Variants in PRDM2 observed in about 807,000 individuals in gnomAD.
PRDM2 encodes PR domain zinc finger protein 2.
A neutral mutation model predicts 130.0 loss-of-function variants in PRDM2; 30 were observed. That is an observed-to-expected ratio of 0.23 (90% CI 0.17 to 0.31). The LOEUF is 0.31. Ranked by LOEUF, PRDM2 falls within the 10% of genes least tolerant of loss-of-function variation. The pLI, the probability that PRDM2 is intolerant of heterozygous loss-of-function variation, is 1.00. For synonymous variants in PRDM2, 871 were observed against 782.4 expected (o/e 1.11, Z -1.89); for missense variants, 2,011 against 2,108.4 (o/e 0.95, Z 0.90).
intron 8 of PRDM2, among the ~76,000 whole-genome samples, chr1:13,799,107 T>C (rs1644967407): frequency 6.6e-6 from 1 of 152,170 alleles, no homozygotes; most frequent in Non-Finnish European, 1.5e-5. Flanking sequence ...ACTTCGTCAC[T>C]AAGTCCGGCA....
intron 6 of PRDM2, among the ~76,000 whole-genome samples, chr1:13,769,640 A>G (rs548552411): frequency 3.1e-4 from 47 of 152,318 alleles, no homozygotes; most frequent in African/African-American, 8.9e-4. Context: ...GATAATCTCA[A>G]TTCCATGGAT....
chr1:13,805,309 G>A (rs1453589598), intron 8 of PRDM2, among the ~76,000 whole-genome samples: 1 of 152,202 alleles, frequency 6.6e-6, no homozygotes, highest in Non-Finnish European at 1.5e-5. Context: ...CCGTAATGGA[G>A]CTAGGATTCC....
chr1:13,707,256 C>G (rs776714159), intron 1 of PRDM2, among the ~76,000 whole-genome samples: 7 of 152,184 alleles, frequency 4.6e-5, no homozygotes, highest in Non-Finnish European at 7.4e-5. Context: ...AGGACCACTA[C>G]CCTGCCCGTG....
chr1:13,772,315 TTCTTA>T (rs1644377631), intron 6 of PRDM2: 1 of 152,256 alleles, frequency 6.6e-6, no homozygotes, highest in African/African-American at 2.4e-5. Context: ...AGATAATTGT[TTCTTA>T]TCTTCATGAC....
At chr1:13,762,996 G>A (rs565568541) in intron 6 of PRDM2, among the ~76,000 whole-genome samples, 16 of 152,322 alleles carry the variant, frequency 1.1e-4, no homozygotes, top group Non-Finnish European at 1.8e-4. Flanking sequence ...TCATTTCATG[G>A]TGGGCCGAGT....
chr1:13,715,550 A>ACC lies in PRDM2; in HGVS notation c.-56_-55insCC, dbSNP rs1330398626. 6.8e-7 allele frequency: 1 copy of ACC among 1,480,072 alleles called. No individual in the cohort carries two copies. The highest frequency in any genetic ancestry group is 9.1e-7 in the Non-Finnish European group (1 of 1,099,208). 91.7% of individuals were successfully genotyped at this position (1,480,072 alleles called of 1,614,324 possible). A position where few individuals can be genotyped will look rare whatever the true frequency, so the allele number is the denominator to read the frequency against. On this transcript the variant is annotated 5_prime_UTR_variant, in exon 2 of 10. It removes the in-frame stop codon of an upstream open reading frame in the 5' UTR. Transcript: ENST00000311066. ...CTGTTTTTCTTTTTAGGGTTCATGT[A>ACC]ATCAAAGAAGTTTCTTTGTTGTGTG...
At chr1:13,783,856 C>T (rs1277601382) in intron 8 of PRDM2, among the ~76,000 whole-genome samples, 1 of 152,088 alleles carries the variant, frequency 6.6e-6, no homozygotes, top group Non-Finnish European at 1.5e-5. Flanking sequence ...CATGCTATAG[C>T]TTTTGGTGTC....
intron 2 of PRDM2, among the ~76,000 whole-genome samples, chr1:13,716,680 T>C (rs542420914): frequency 2.0e-5 from 3 of 152,222 alleles, no homozygotes; most frequent in Non-Finnish European, 4.4e-5. Flanking sequence ...TTCTGATAAG[T>C]AGAGCCAGTT....
At chr1:13,747,943 A>T (rs1643664630) in intron 5 of PRDM2, among the ~76,000 whole-genome samples, 3 of 152,204 alleles carry the variant, frequency 2.0e-5, no homozygotes, top group Non-Finnish European at 4.4e-5. Flanking sequence ...AGGAAAAGAA[A>T]ACGTTTCCAC....
At chr1:13,741,714 T>C (rs1167144733) in intron 4 of PRDM2, among the ~76,000 whole-genome samples, 1 of 93,348 alleles carries the variant, frequency 1.1e-5, no homozygotes, top group Admixed American at 1.0e-4. Flanking sequence ...CTATAGCTCT[T>C]TAAGTTTGTG....
intron 8 of PRDM2, among the ~76,000 whole-genome samples, chr1:13,809,391 G>A (rs544716316): frequency 1.3e-5 from 2 of 152,314 alleles, no homozygotes; most frequent in South Asian, 2.1e-4. Flanking sequence ...AGGCGGACTC[G>A]ATGGAGCCAG....
intron 2 of PRDM2, among the ~76,000 whole-genome samples, chr1:13,720,430 A>G (rs1557598596): frequency 6.6e-6 from 1 of 152,104 alleles, no homozygotes; most frequent in Non-Finnish European, 1.5e-5. Flanking sequence ...GGTGGAGTAA[A>G]TGGTCAAAGA....
chr1:13,722,241 C>T (rs761547526), intron 2 of PRDM2, among the ~76,000 whole-genome samples: 6 of 152,120 alleles, frequency 3.9e-5, no homozygotes, highest in Non-Finnish European at 5.9e-5. Context: ...TCAGAAAAGC[C>T]AGCGGTCGTT....
chr1:13,711,433 G>A (rs1453694593), intron 1 of PRDM2, among the ~76,000 whole-genome samples: 1 of 152,210 alleles, frequency 6.6e-6, no homozygotes. Context: ...GAGGTTCTCA[G>A]TTGGAAGGGC....
At chr1:13,757,432 C>T (rs188723925) in intron 6 of PRDM2, among the ~76,000 whole-genome samples, 95 of 152,258 alleles carry the variant, frequency 6.2e-4, no homozygotes, top group Non-Finnish European at 1.1e-3. Flanking sequence ...TGCAGAGGAT[C>T]GAGTTTAGGA....
chr1:13,802,945 C>T (rs781779661), intron 8 of PRDM2, among the ~76,000 whole-genome samples: 15 of 152,292 alleles, frequency 9.8e-5, no homozygotes, highest in Non-Finnish European at 2.2e-4. Context: ...GGTGTGAAGG[C>T]AGAGGAGGGA....
chr1:13,749,833 G>T (rs1287301697), intron 6 of PRDM2, among the ~76,000 whole-genome samples: 1 of 152,112 alleles, frequency 6.6e-6, no homozygotes, highest in Non-Finnish European at 1.5e-5. Context: ...TCCCCCGCTG[G>T]CACCCCAAGC....
At position 13,779,023 on chromosome 1, in the gene PRDM2, C is replaced by T. The variant is rs780178517; in HGVS notation, c.1228C>T (p.Arg410Trp). 9.3e-6 allele frequency: 15 copies of T among 1,614,000 alleles called. No homozygotes were observed. Among genetic ancestry groups the T allele is most frequent in the Admixed American group, 3.3e-5 (2 of 59,996 alleles). Residue 410 changes from arginine (R) to tryptophan (W), a missense_variant, in exon 8 of 10, where the codon CGG becomes TGG. Physicochemically the swap from Arg to Trp is moderately radical, Grantham distance 101. Coordinates refer to ENST00000311066, the MANE Select transcript of PRDM2 (RefSeq NM_001393986.1). This position sits in a 1 kb window ranked among gnomAD's most constrained non-coding sequence, Gnocchi z 4.9. ...ACAGATTAACCGGCGGCGACATGAG[C>T]GGCGCCATGAAGCAGGGTTAAAGCG... Reference protein sequence around the residue: ...GTQINRRRHERRHEAGLKRKP... With the variant: ...GTQINRRRHEWRHEAGLKRKP...
rs199595120 is a variant in PRDM2 at position 13,780,417 on chromosome 1, G to T, written c.2622G>T (p.Thr874=). ...EFKESHSVQP[T]CSAVKKRKPT... ...AAGAAAGTCATTCAGTGCAGCCTAC[G>T]TGTAGTGCTGTAAAGAAAAGGAAAC... is the stretch of plus-strand genomic sequence containing the variant. Residue 874 remains threonine (T), a synonymous_variant, in exon 8 of 10, where the codon ACG becomes ACT. Coordinates refer to ENST00000311066, the MANE Select transcript of PRDM2 (RefSeq NM_001393986.1). 1.2e-6 allele frequency: 2 copies of T among 1,614,198 alleles called. No homozygotes were observed. Among genetic ancestry groups the T allele is most frequent in the Non-Finnish European group, 1.7e-6 (2 of 1,180,032 alleles).
Sources: gnomAD v4.1 joint callset for allele counts (sites outside exome capture counted in the v4.1 genomes callset) on GRCh38, gnomAD v4.1.1 for gene constraint, Gnocchi (gnomAD v3.1) non-coding constraint, MANE v1.5 for transcripts, NCBI Gene and HGNC (gene_info 2026-07-23, HGNC 2026-07-21) for gene names.